TEKT5: variants seen among roughly 807,000 people sequenced by gnomAD.
The protein encoded by TEKT5 is tektin-5.
Under a neutral mutation model 48.7 loss-of-function variants are expected in TEKT5, and 52 were observed. The observed-to-expected ratio is 1.07, with a 90% confidence interval of 0.86 to 1.35. The LOEUF (loss-of-function observed/expected upper bound fraction) is 1.35. TEKT5 is among the 40% of genes most tolerant of loss of function. The pLI is 0.00. For synonymous variants in TEKT5, 318 were observed against 267.6 expected (o/e 1.19, Z -1.84); for missense variants, 831 against 641.6 (o/e 1.30, Z -3.19).
chr16:10,684,601 C>T (rs1343007478), intron 3 of TEKT5, among the ~76,000 whole-genome samples: 1 of 152,100 alleles, frequency 6.6e-6, no homozygotes, highest in Non-Finnish European at 1.5e-5. Flanking sequence ...CCCTGTCCTG[C>T]CTAATGAGCT....
At chr16:10,652,844 C>T in intron 5 of TEKT5, among the ~76,000 whole-genome samples, 1 of 86,152 alleles carries the variant, frequency 1.2e-5, no homozygotes, top group African/African-American at 8.6e-5. Context: ...CAGACACACA[C>T]ACACACACAC....
At chr16:10,691,641 C>T (rs950915066) in intron 1 of TEKT5, among the ~76,000 whole-genome samples, 3 of 152,104 alleles carry the variant, frequency 2.0e-5, no homozygotes, top group East Asian at 1.9e-4. Flanking sequence ...GGAGGAATTC[C>T]GGAATTAAGA....
At chr16:10,659,567 G>C (rs550866536) in intron 5 of TEKT5, among the ~76,000 whole-genome samples, 6 of 152,106 alleles carry the variant, frequency 3.9e-5, no homozygotes, top group Non-Finnish European at 8.8e-5. Flanking sequence ...TTTTAGTAGA[G>C]ATGGGGTTTC....
intron 3 of TEKT5, among the ~76,000 whole-genome samples, chr16:10,684,998 ACT>A (rs1432971740): frequency 6.6e-6 from 1 of 151,960 alleles, no homozygotes; most frequent in East Asian, 1.9e-4. Flanking sequence ...GACACACCAG[ACT>A]CTGCCTGGCT....
chr16:10,670,248 C>T (rs1165884012), intron 5 of TEKT5, among the ~76,000 whole-genome samples: 3 of 152,166 alleles, frequency 2.0e-5, no homozygotes, highest in South Asian at 2.1e-4. Context: ...CATTTCAGTC[C>T]GGGCACGGTG....
In TEKT5 at chr16:10,694,725, C is replaced by T. The variant is rs775399180; in HGVS notation, c.149G>A (p.Trp50Ter). Residue 50 changes from tryptophan (W) to a stop codon, truncating the protein, a stop_gained, in exon 1 of 7, where the codon TGG (tryptophan) becomes TAG (stop). Transcript: ENST00000283025. LOFTEE classifies it high-confidence loss of function. ...TATCTTGTAGAAGAGGCTAGGCCTCCATGAATTGAGGTAGCGGTACCCGGG... is the reference window on the plus strand; with the variant it reads ...TATCTTGTAGAAGAGGCTAGGCCTCTATGAATTGAGGTAGCGGTACCCGGG... The part of the protein sequence containing the change: ...YLPGYRYLNS[W>*]RPSLFYKIAN... 8.1e-6 allele frequency: 13 copies of T among 1,613,934 alleles called. No homozygotes were observed. Among genetic ancestry groups the T allele is most frequent in the Non-Finnish European group, 9.3e-6 (11 of 1,179,946 alleles).
chr16:10,668,233 A>AGCCTGAG (rs1409057330), intron 5 of TEKT5, among the ~76,000 whole-genome samples: 20 of 152,332 alleles, frequency 1.3e-4, no homozygotes, highest in African/African-American at 1.2e-4. Flanking sequence ...AAAGCTTCTA[A>AGCCTGAG]GCCTGAGGCC....
At chr16:10,655,928 T>C (rs1898253902) in intron 5 of TEKT5, among the ~76,000 whole-genome samples, 2 of 152,254 alleles carry the variant, frequency 1.3e-5, no homozygotes, top group African/African-American at 4.8e-5. Context: ...AAACTGGTGT[T>C]ATTTGGGGTC....
At chr16:10,672,049 C>T (rs1898557600) in intron 5 of TEKT5, among the ~76,000 whole-genome samples, 1 of 151,932 alleles carries the variant, frequency 6.6e-6, no homozygotes, top group Non-Finnish European at 1.5e-5. Context: ...TGCAGAGTTT[C>T]AGACTGGGAA....
chr16:10,670,664 T>C (rs1262160695), intron 5 of TEKT5, among the ~76,000 whole-genome samples: 1 of 152,126 alleles, frequency 6.6e-6, no homozygotes, highest in East Asian at 1.9e-4. Context: ...AGAAGACAAA[T>C]CCTTGCTCAG....
chr16:10,654,252 C>T (rs921925194), intron 5 of TEKT5, among the ~76,000 whole-genome samples: 8 of 152,092 alleles, frequency 5.3e-5, no homozygotes, highest in African/African-American at 1.9e-4. Context: ...GGTTTTCCCG[C>T]GTTGGCCAGG....
intron 5 of TEKT5, among the ~76,000 whole-genome samples, chr16:10,659,884 T>G (rs1898332553): frequency 6.6e-6 from 1 of 152,148 alleles, no homozygotes; most frequent in Non-Finnish European, 1.5e-5. Context: ...GAGGTGGTGG[T>G]TGTACAATAT....
At chr16:10,642,701 G>A (rs946125880) in intron 5 of TEKT5, among the ~76,000 whole-genome samples, 3 of 152,116 alleles carry the variant, frequency 2.0e-5, no homozygotes, top group Non-Finnish European at 4.4e-5. Flanking sequence ...TCACTTTACT[G>A]TTCAATATTC....
At chr16:10,649,618 T>C (rs544125749) in intron 5 of TEKT5, among the ~76,000 whole-genome samples, 16 of 151,790 alleles carry the variant, frequency 1.1e-4, no homozygotes, top group African/African-American at 3.6e-4. Flanking sequence ...TATTTTTTTG[T>C]AGAGACTGGG....
At chr16:10,641,566 T>C (rs1158795181) in intron 5 of TEKT5, among the ~76,000 whole-genome samples, 1 of 152,202 alleles carries the variant, frequency 6.6e-6, no homozygotes, top group African/African-American at 2.4e-5. Flanking sequence ...ATGCCTATAA[T>C]TGCAGCACTT....
Position 10,694,547 on chromosome 16 carries a change from C to A in TEKT5, c.327G>T (p.Arg109=). 2 of 1,605,388 alleles carry A rather than the reference C, an allele frequency of 1.2e-6. No individual in the cohort carries two copies. Among genetic ancestry groups the A allele is most frequent in the African/African-American group, 2.7e-5 (2 of 74,892 alleles). ...CATCCGTCAGCCGGCTGGCCCACAG[C>A]CGGGAGGCCTCGGCCCCACGCACCT... The part of the protein sequence containing the change: ...QLQVRGAEAS[R]LWASRLTDDS... Residue 109 remains arginine, a synonymous_variant, in exon 1 of 7, where the codon CGG becomes CGT. Coordinates refer to ENST00000283025, the MANE Select transcript of TEKT5 (RefSeq NM_144674.2).
chr16:10,686,023 G>C (rs1054695964), intron 3 of TEKT5, among the ~76,000 whole-genome samples: 1 of 152,030 alleles, frequency 6.6e-6, no homozygotes, highest in African/African-American at 2.4e-5. Context: ...CCAGCGCCAC[G>C]GTTTTTCACA....
chr16:10,643,293 G>T (rs559339760), intron 5 of TEKT5, among the ~76,000 whole-genome samples: 15 of 151,926 alleles, frequency 9.9e-5, no homozygotes, highest in Non-Finnish European at 2.1e-4. Flanking sequence ...GTGAGAGGAT[G>T]GCTTGAGCCT....
chr16:10,690,688 G>A (rs1898956886), intron 1 of TEKT5: 1 of 985,290 alleles, frequency 1.0e-6, no homozygotes, highest in Non-Finnish European at 1.2e-6. Flanking sequence ...ACCTAGCCCT[G>A]GGCCTTACAA....
Sources: allele counts gnomAD v4.1 joint callset (sites outside exome capture counted in the v4.1 genomes callset), GRCh38; gene constraint gnomAD v4.1.1; transcripts MANE v1.5; gene names NCBI Gene and HGNC (gene_info 2026-07-23, HGNC 2026-07-21).